The following TMPRSS11F variants were observed in gnomAD, a reference collection of about 807,000 sequenced individuals.
TMPRSS11F encodes the protein transmembrane protease serine 11F.
TMPRSS11F carries 47 observed loss-of-function variants against 60.2 expected under a neutral mutation model. The ratio of observed to expected loss-of-function variants is 0.78; its 90% CI spans 0.62 to 1.00. The LOEUF is 1.00. Ranked by LOEUF, TMPRSS11F falls within the 50% of genes least tolerant of loss-of-function variation. The probability of loss-of-function intolerance (pLI) is 0.00; values close to 1 mark genes in which losing one functional copy is unlikely to be tolerated. For synonymous variants in TMPRSS11F, 166 were observed against 167.3 expected (o/e 0.99, Z 0.06); for missense variants, 519 against 522.9 (o/e 0.99, Z 0.07).
chr4:68,054,111 C>T, intron 9 of TMPRSS11F, 44 bp from the exon 10 acceptor site: 1 of 1,568,494 alleles, frequency 6.4e-7, no homozygotes, highest in Non-Finnish European at 8.7e-7. Flanking sequence ...TACTTTAATT[C>T]AGTGGGAAGG....
chr4:68,126,381 A>C (rs954573811), intron 1 of TMPRSS11F, among the ~76,000 whole-genome samples: 2 of 152,206 alleles, frequency 1.3e-5, no homozygotes, highest in East Asian at 1.9e-4. Context: ...TGATGTTTTT[A>C]TCTCTTCAAC....
At chr4:68,124,231 A>AC (rs901458831) in intron 1 of TMPRSS11F, among the ~76,000 whole-genome samples, 10 of 151,900 alleles carry the variant, frequency 6.6e-5, no homozygotes, top group African/African-American at 1.2e-4. Flanking sequence ...AAAAAAAAAA[A>AC]AAAACAAACC....
chr4:68,112,531 T>C (rs769614756), intron 1 of TMPRSS11F, among the ~76,000 whole-genome samples: 1 of 152,168 alleles, frequency 6.6e-6, no homozygotes, highest in South Asian at 2.1e-4. Flanking sequence ...TATAATTTGA[T>C]TGAGCCCAGG....
intron 1 of TMPRSS11F, among the ~76,000 whole-genome samples, chr4:68,115,678 T>TGAAAA (rs1316313077): frequency 6.6e-6 from 1 of 151,984 alleles, no homozygotes; most frequent in Admixed American, 6.6e-5. Flanking sequence ...AATCACAGAG[T>TGAAAA]GAAAGGTCAT....
chr4:68,129,418 A>G (rs1345518496), intron 1 of TMPRSS11F, among the ~76,000 whole-genome samples: 2 of 152,256 alleles, frequency 1.3e-5, no homozygotes, highest in South Asian at 2.1e-4. Context: ...TAATTTTCCC[A>G]GAATATACAT....
At chr4:68,087,467 C>T (rs1250849518) in intron 3 of TMPRSS11F, among the ~76,000 whole-genome samples, 1 of 152,088 alleles carries the variant, frequency 6.6e-6, no homozygotes, top group Non-Finnish European at 1.5e-5. Context: ...AAGGATGCCA[C>T]TCTCTCCACT....
Position 68,098,913 on chromosome 4 carries a change from C to T in TMPRSS11F, c.137G>A (p.Gly46Asp). Residue 46 changes from glycine (G) to aspartate (D), a missense_variant, in exon 2 of 10, where the codon GGT becomes GAT. By Grantham distance (94) the Gly-to-Asp change is moderately conservative (BLOSUM62 -1). Transcript: ENST00000356291. ...AIVAIIGIAIGIVTHFVVEDD... is the reference protein window; with the variant it reads ...AIVAIIGIAIDIVTHFVVEDD... ...CTCAACAACAAAATGAGTAACAATA[C>T]CAATTGCAATTCCTATGATTGCTAC... 6.2e-7 allele frequency: 1 copy of T among 1,611,942 alleles called. No individual in the cohort carries two copies. Among genetic ancestry groups the T allele is most frequent in the Non-Finnish European group, 8.5e-7 (1 of 1,179,004 alleles).
At chr4:68,068,962 A>G in intron 6 of TMPRSS11F, 143 bp from the exon 7 acceptor site, 4 of 794,398 alleles carry the variant, frequency 5.0e-6, no homozygotes, top group Middle Eastern at 2.7e-4. Flanking sequence ...TATTTGATAC[A>G]GGTCTTGCTG....
At chr4:68,093,467 T>C (rs535263280) in intron 2 of TMPRSS11F, among the ~76,000 whole-genome samples, 48 of 152,222 alleles carry the variant, frequency 3.2e-4, no homozygotes, top group African/African-American at 1.2e-3. Flanking sequence ...CTAGCCATTA[T>C]CATTCAGGAC....
At chr4:68,065,007 C>G in intron 7 of TMPRSS11F, 63 bp from the exon 8 acceptor site, 2 of 1,483,860 alleles carry the variant, frequency 1.3e-6, no homozygotes, top group Non-Finnish European at 9.1e-7. Context: ...AAGACTGAGA[C>G]TGTATTTCTT....
intron 8 of TMPRSS11F, chr4:68,062,052 C>A (rs1577910031): frequency 2.2e-6 from 1 of 451,762 alleles, no homozygotes; most frequent in Non-Finnish European, 4.4e-6. Context: ...TGACTGAAAC[C>A]CTTCGCCATT....
At chr4:68,084,579 G>A (rs185922846) in intron 3 of TMPRSS11F, among the ~76,000 whole-genome samples, 2 of 152,196 alleles carry the variant, frequency 1.3e-5, no homozygotes, top group African/African-American at 4.8e-5. Context: ...ATAAGTAAAG[G>A]AGAAATAAAA....
intron 3 of TMPRSS11F, among the ~76,000 whole-genome samples, chr4:68,074,374 A>G (rs1350585895): frequency 6.6e-6 from 1 of 152,234 alleles, no homozygotes; most frequent in Non-Finnish European, 1.5e-5. Context: ...CTACTAAGCT[A>G]TTGATGATAG....
intron 1 of TMPRSS11F, among the ~76,000 whole-genome samples, chr4:68,116,613 T>C (rs370588041): frequency 2.0e-5 from 3 of 152,046 alleles, no homozygotes; most frequent in South Asian, 2.1e-4. Flanking sequence ...GCCATAGTAA[T>C]CAAAACAATA....
chr4:68,091,781 CTCTA>C lies in TMPRSS11F; in HGVS notation c.164-1144_164-1141del, dbSNP rs200246480. 6.1e-3 allele frequency among the ~76,000 whole-genome samples: 719 copies of C among 118,614 alleles called. 11 individuals carry two copies. Among genetic ancestry groups the C allele is most frequent in the African/African-American group, 0.022 (606 of 27,926 alleles). 77.8% of individuals were successfully genotyped at this position (118,614 alleles called of 152,430 possible). A position where few individuals can be genotyped will look rare whatever the true frequency, so the allele number is the denominator to read the frequency against. On this transcript the variant is annotated intron_variant, in intron 2 of 9. Transcript: ENST00000356291. Reference sequence around the variant, plus strand: ...TCTCTCTCTCTCTCTCTCTCTCTCTCTCTATCTATCTATCTATCTTTTTGAGATG... The same window carrying C: ...TCTCTCTCTCTCTCTCTCTCTCTCTCTCTATCTATCTATCTTTTTGAGATG...
At chr4:68,082,556 A>G (rs912290053) in intron 3 of TMPRSS11F, among the ~76,000 whole-genome samples, 13 of 152,182 alleles carry the variant, frequency 8.5e-5, no homozygotes, top group African/African-American at 3.1e-4. Context: ...TCCCACAAGA[A>G]CATGCACACA....
chr4:68,118,958 T>TAA (rs918795592), intron 1 of TMPRSS11F, among the ~76,000 whole-genome samples: 2 of 152,134 alleles, frequency 1.3e-5, no homozygotes, highest in Non-Finnish European at 2.9e-5. Flanking sequence ...TGTTGAAAGG[T>TAA]AAGACAGGCT....
chr4:68,065,877 G>A (rs189780260), intron 7 of TMPRSS11F, among the ~76,000 whole-genome samples: 243 of 152,214 alleles, frequency 1.6e-3, no homozygotes, highest in Middle Eastern at 3.4e-3. Flanking sequence ...CAGCACTTTG[G>A]GAGGCCAAGG....
At chr4:68,094,512 C>A (rs956591860) in intron 2 of TMPRSS11F, among the ~76,000 whole-genome samples, 1 of 148,188 alleles carries the variant, frequency 6.7e-6, no homozygotes, top group Non-Finnish European at 1.5e-5. Flanking sequence ...AACTAACCTG[C>A]ACATTGTGAA....
Sources: gnomAD v4.1 joint callset for allele counts (sites outside exome capture counted in the v4.1 genomes callset) on GRCh38, gnomAD v4.1.1 for gene constraint, MANE v1.5 for transcripts, NCBI Gene and HGNC (gene_info 2026-07-23, HGNC 2026-07-21) for gene names.